EDIL3: variants seen among roughly 807,000 people sequenced by gnomAD.
EDIL3 encodes EGF-like repeat and discoidin I-like domain-containing protein 3.
EDIL3 carries 37 observed loss-of-function variants against 67.4 expected under a neutral mutation model. The observed-to-expected ratio is 0.55, with a 90% CI of 0.42 to 0.72. EDIL3 has a LOEUF of 0.72. Among genes scored for constraint, EDIL3 ranks in the 30% least tolerant of loss-of-function variants. The probability of loss-of-function intolerance (pLI) is 0.00; values close to 1 mark genes in which losing one functional copy is unlikely to be tolerated. For synonymous variants in EDIL3, 195 were observed against 196.3 expected (o/e 0.99, Z 0.05); for missense variants, 527 against 586.3 (o/e 0.90, Z 1.04).
chr5:84,286,851 C>A (rs867315638), intron 1 of EDIL3, among the ~76,000 whole-genome samples: 1 of 152,144 alleles, frequency 6.6e-6, no homozygotes, highest in African/African-American at 2.4e-5. Flanking sequence ...AGTGGGGCAG[C>A]CTGTATGTAC....
At chr5:84,007,838 T>C (rs890791063) in intron 9 of EDIL3, among the ~76,000 whole-genome samples, 2 of 152,196 alleles carry the variant, frequency 1.3e-5, no homozygotes. Context: ...CCCAGGTTTA[T>C]TGCAGTATTA....
intron 3 of EDIL3, among the ~76,000 whole-genome samples, chr5:84,216,367 A>C (rs1365631733): frequency 6.6e-6 from 1 of 152,258 alleles, no homozygotes; most frequent in Non-Finnish European, 1.5e-5. Context: ...TTTTACACAT[A>C]TTAGAATGTA....
intron 3 of EDIL3, among the ~76,000 whole-genome samples, chr5:84,193,310 G>T (rs1160753119): frequency 6.6e-6 from 1 of 151,930 alleles, no homozygotes; most frequent in African/African-American, 2.4e-5. Context: ...ATGGATGGAA[G>T]TGGACAGATT....
chr5:84,022,527 T>C (rs1195475053), intron 9 of EDIL3, among the ~76,000 whole-genome samples: 1 of 151,972 alleles, frequency 6.6e-6, no homozygotes, highest in Non-Finnish European at 1.5e-5. Flanking sequence ...AATTTCAGTA[T>C]ACATAATGGA....
chr5:84,041,585 T>C (rs577335373), intron 9 of EDIL3, among the ~76,000 whole-genome samples: 1 of 133,852 alleles, frequency 7.5e-6, no homozygotes, highest in Admixed American at 7.4e-5. Context: ...ATGTATATAC[T>C]ATATATGTAT....
intron 3 of EDIL3, among the ~76,000 whole-genome samples, chr5:84,187,135 C>A (rs1743477355): frequency 6.6e-6 from 1 of 152,020 alleles, no homozygotes; most frequent in Non-Finnish European, 1.5e-5. Context: ...TAGCTCCTAA[C>A]ACAATGGGGA....
chr5:84,182,165 G>T (rs1295495992), intron 3 of EDIL3, among the ~76,000 whole-genome samples: 1 of 151,932 alleles, frequency 6.6e-6, no homozygotes, highest in Non-Finnish European at 1.5e-5. Flanking sequence ...GGTGGTGCAC[G>T]CCTGTAATCC....
intron 5 of EDIL3, among the ~76,000 whole-genome samples, chr5:84,127,195 C>G (rs1747883745): frequency 6.6e-6 from 1 of 151,986 alleles, no homozygotes; most frequent in South Asian, 2.1e-4. Flanking sequence ...TTTTTCTTGT[C>G]AGAATAGTTT....
intron 9 of EDIL3, among the ~76,000 whole-genome samples, chr5:83,978,483 C>A (rs1212059878): frequency 6.6e-6 from 1 of 151,866 alleles, no homozygotes; most frequent in African/African-American, 2.4e-5. Flanking sequence ...GAGAAATGTG[C>A]TAAACTGATT....
intron 10 of EDIL3, among the ~76,000 whole-genome samples, chr5:83,948,834 T>C (rs1744359005): frequency 6.6e-6 from 1 of 151,798 alleles, no homozygotes; most frequent in African/African-American, 2.4e-5. Context: ...TTTACCAGCA[T>C]CCTGAAACCA....
At chr5:84,044,608 T>C (rs1392054316) in intron 9 of EDIL3, among the ~76,000 whole-genome samples, 1 of 152,174 alleles carries the variant, frequency 6.6e-6, no homozygotes. Context: ...AGAACCCAAA[T>C]CTCGTAGTGG....
intron 2 of EDIL3, among the ~76,000 whole-genome samples, chr5:84,242,261 T>C (rs1374155510): frequency 4.6e-5 from 7 of 151,760 alleles, no homozygotes; most frequent in African/African-American, 1.7e-4. Context: ...ACAAAAACCC[T>C]TTGAAGTTGG....
At chr5:84,090,162 G>T (rs147904961) in intron 6 of EDIL3, among the ~76,000 whole-genome samples, 2 of 152,154 alleles carry the variant, frequency 1.3e-5, no homozygotes, top group African/African-American at 4.8e-5. Flanking sequence ...ACCATTTTTA[G>T]TTCATGGAGG....
At chr5:83,961,516 C>T (rs775411446) in intron 10 of EDIL3, among the ~76,000 whole-genome samples, 4 of 151,126 alleles carry the variant, frequency 2.6e-5, no homozygotes, top group Admixed American at 2.0e-4. Context: ...AACAGTTTAA[C>T]GGTTTAACCA....
chr5:84,177,549 AAT>A (rs1351236775), intron 4 of EDIL3, among the ~76,000 whole-genome samples: 1 of 152,156 alleles, frequency 6.6e-6, no homozygotes, highest in Non-Finnish European at 1.5e-5. Context: ...AGAACTATAC[AAT>A]ACAAAGAGTG....
intron 5 of EDIL3, among the ~76,000 whole-genome samples, chr5:84,108,038 T>C (rs1747494072): frequency 6.6e-6 from 1 of 151,408 alleles, no homozygotes; most frequent in South Asian, 2.1e-4. Context: ...AATATCAGTA[T>C]ATGAAAGTCA....
chr5:84,335,160 T>TC (rs557166721), intron 1 of EDIL3, among the ~76,000 whole-genome samples: 171 of 152,246 alleles, frequency 1.1e-3, no homozygotes, highest in African/African-American at 3.9e-3. Context: ...GTTTATACCT[T>TC]CCCCCGGCTG....
chr5:84,253,353 G>T (rs368229755), intron 2 of EDIL3, among the ~76,000 whole-genome samples: 1 of 152,040 alleles, frequency 6.6e-6, no homozygotes, highest in Non-Finnish European at 1.5e-5. Context: ...ACTTACCTGT[G>T]CTATTAACTT....
At chr5:84,308,902 G>A (rs1056114703) in intron 1 of EDIL3, among the ~76,000 whole-genome samples, 1 of 152,096 alleles carries the variant, frequency 6.6e-6, no homozygotes, top group Admixed American at 6.5e-5. Context: ...CGGAAGTGGC[G>A]AAAATTCCAT....
Sources: allele counts gnomAD v4.1 joint callset (sites outside exome capture counted in the v4.1 genomes callset), GRCh38; gene constraint gnomAD v4.1.1; transcripts MANE v1.5; gene names NCBI Gene and HGNC (gene_info 2026-07-23, HGNC 2026-07-21).